Variants in HS3ST3A1 observed in about 807,000 individuals in gnomAD.
The protein encoded by HS3ST3A1 is heparan sulfate-glucosamine 3-sulfotransferase 3A1, also known as heparan sulfate glucosamine 3-O-sulfotransferase 3A1.
Under a neutral mutation model 25.7 loss-of-function variants are expected in HS3ST3A1, and 19 were observed. The ratio of observed to expected loss-of-function variants is 0.74; its 90% CI spans 0.52 to 1.08. The LOEUF is 1.08. Among genes scored for constraint, HS3ST3A1 ranks in the 50% least tolerant of loss-of-function variants. HS3ST3A1 has a pLI of 0.00. For missense variants in HS3ST3A1, 459 were observed against 594.3 expected (o/e 0.77, Z 2.37); for synonymous variants, 226 against 278.6 (o/e 0.81, Z 1.88).
intron 1 of HS3ST3A1, among the ~76,000 whole-genome samples, chr17:13,577,867 G>GGTGTGTGTGT (rs202098377): frequency 0.19 from 29,234 of 150,972 alleles, 2,908 homozygotes; most frequent in South Asian, 0.28. Context: ...AGCAGTTTCT[G>GGTGTGTGTGT]GTGTGTGTGT....
chr17:13,591,198 A>G (rs967908308), intron 1 of HS3ST3A1, among the ~76,000 whole-genome samples: 4 of 151,526 alleles, frequency 2.6e-5, no homozygotes, highest in African/African-American at 9.7e-5. Context: ...AGGCATGGCC[A>G]CCACACCCGG....
intron 1 of HS3ST3A1, among the ~76,000 whole-genome samples, chr17:13,517,303 G>A (rs771341912): frequency 5.9e-5 from 9 of 152,122 alleles, no homozygotes; most frequent in East Asian, 1.9e-4. Flanking sequence ...TTTATTGAAC[G>A]TCTACCTTGG....
At chr17:13,509,979 G>T (rs1374899154) in intron 1 of HS3ST3A1, among the ~76,000 whole-genome samples, 3 of 152,198 alleles carry the variant, frequency 2.0e-5, no homozygotes, top group Non-Finnish European at 4.4e-5. Context: ...GGGGGCTGGG[G>T]GTGGAATTCC....
chr17:13,596,391 C>T (rs1598437062), intron 1 of HS3ST3A1, among the ~76,000 whole-genome samples: 1 of 143,366 alleles, frequency 7.0e-6, no homozygotes, highest in East Asian at 2.1e-4. Context: ...GTGTCTGCTC[C>T]CGCATGTGTG....
chr17:13,531,509 G>T (rs1011366041), intron 1 of HS3ST3A1, among the ~76,000 whole-genome samples: 1 of 152,110 alleles, frequency 6.6e-6, no homozygotes, highest in African/African-American at 2.4e-5. Context: ...TTATAAACTT[G>T]AATGGGAAAA....
At chr17:13,564,069 TG>T (rs1907617466) in intron 1 of HS3ST3A1, among the ~76,000 whole-genome samples, 1 of 152,188 alleles carries the variant, frequency 6.6e-6, no homozygotes, top group Admixed American at 6.5e-5. Context: ...AGAGATTAGA[TG>T]GGTTTTAGGA....
chr17:13,564,212 G>A (rs187348278), intron 1 of HS3ST3A1, among the ~76,000 whole-genome samples: 1 of 152,106 alleles, frequency 6.6e-6, no homozygotes, highest in Non-Finnish European at 1.5e-5. Flanking sequence ...TTTACCCCTT[G>A]ATGCAGAAAA....
chr17:13,585,155 C>CAATTACAA (rs1908217510), intron 1 of HS3ST3A1, among the ~76,000 whole-genome samples: 1 of 145,462 alleles, frequency 6.9e-6, no homozygotes, highest in Non-Finnish European at 1.5e-5. Context: ...ATTTAGCCGC[C>CAATTACAA]AATTACAATC....
At chr17:13,507,509 A>C (rs1360892718) in intron 1 of HS3ST3A1, among the ~76,000 whole-genome samples, 1 of 152,198 alleles carries the variant, frequency 6.6e-6, no homozygotes, top group Non-Finnish European at 1.5e-5. Context: ...ATTCTGCCAA[A>C]ACATATGAGT....
intron 1 of HS3ST3A1, among the ~76,000 whole-genome samples, chr17:13,521,706 A>T (rs1417500571): frequency 6.6e-6 from 1 of 152,196 alleles, no homozygotes; most frequent in African/African-American, 2.4e-5. Flanking sequence ...ATAGACAAAA[A>T]TTGCTCTAAT....
intron 1 of HS3ST3A1, among the ~76,000 whole-genome samples, chr17:13,514,796 G>A (rs1905999086): frequency 6.6e-6 from 1 of 152,192 alleles, no homozygotes. Flanking sequence ...AGATGGTGGT[G>A]TTGGTTATGC....
intron 1 of HS3ST3A1, among the ~76,000 whole-genome samples, chr17:13,513,541 G>C (rs964467984): frequency 2.0e-5 from 3 of 152,154 alleles, no homozygotes; most frequent in Non-Finnish European, 2.9e-5. Flanking sequence ...CATCCATGCA[G>C]ATCTCATTCT....
intron 1 of HS3ST3A1, among the ~76,000 whole-genome samples, chr17:13,526,586 T>C (rs909965203): frequency 4.0e-5 from 6 of 148,518 alleles, no homozygotes; most frequent in Non-Finnish European, 7.4e-5. Flanking sequence ...CACCTGAGGA[T>C]ACTAGGCAGA....
chr17:13,583,098 G>T (rs913606647), intron 1 of HS3ST3A1, among the ~76,000 whole-genome samples: 1 of 152,138 alleles, frequency 6.6e-6, no homozygotes, highest in Non-Finnish European at 1.5e-5. Flanking sequence ...CATGAGACGC[G>T]GGAGACGTAG....
chr17:13,512,113 C>G (rs1238937231), intron 1 of HS3ST3A1, among the ~76,000 whole-genome samples: 1 of 151,994 alleles, frequency 6.6e-6, no homozygotes, highest in Non-Finnish European at 1.5e-5. Flanking sequence ...TCCTGGCTAA[C>G]AAGGTGAAAC....
intron 1 of HS3ST3A1, chr17:13,543,631 T>C (rs1375561954): frequency 6.2e-6 from 1 of 162,326 alleles, no homozygotes; most frequent in East Asian, 2.0e-4. Context: ...ACCAACCTAA[T>C]ACATGCAGAA....
chr17:13,513,696 G>A (rs541516541), intron 1 of HS3ST3A1, among the ~76,000 whole-genome samples: 6 of 152,194 alleles, frequency 3.9e-5, no homozygotes, highest in Middle Eastern at 3.4e-3. Context: ...AAATTGCTGC[G>A]CAGTATCCTA....
At chr17:13,579,859 T>C (rs1343649849) in intron 1 of HS3ST3A1, among the ~76,000 whole-genome samples, 2 of 145,178 alleles carry the variant, frequency 1.4e-5, no homozygotes, top group Non-Finnish European at 3.0e-5. Context: ...GTAATCCCAG[T>C]TATTCGGGAG....
Position 13,496,008 on chromosome 17 carries a change from T to C in HS3ST3A1, c.*189A>G, listed in dbSNP as rs1364524353. On this transcript the variant is annotated 3_prime_UTR_variant, in exon 2 of 2. Coordinates refer to ENST00000284110, the MANE Select transcript of HS3ST3A1 (RefSeq NM_006042.3). ...TGTTTAGACGAGTGAAATTTTCCTT[T>C]TCTGTTGATCCACGTGTTTGGTGTT... 4 of 667,150 alleles carry C rather than the reference T, an allele frequency of 6.0e-6. No individual in the cohort carries two copies. The highest frequency in any genetic ancestry group is 4.5e-4 in the Middle Eastern group (1 of 2,242). 41.3% of individuals were successfully genotyped at this position (667,150 alleles called of 1,614,324 possible). A position where few individuals can be genotyped will look rare whatever the true frequency, so the allele number is the denominator to read the frequency against.
Sources: gnomAD v4.1 joint callset for allele counts (sites outside exome capture counted in the v4.1 genomes callset) on GRCh38, gnomAD v4.1.1 for gene constraint, MANE v1.5 for transcripts, NCBI Gene and HGNC (gene_info 2026-07-23, HGNC 2026-07-21) for gene names.